The following HTR7 variants were observed in gnomAD, a reference collection of about 807,000 sequenced individuals.
The protein encoded by HTR7 is 5-hydroxytryptamine receptor 7, also known as 5-HT-7.
In HTR7, 16 loss-of-function variants were observed where a neutral mutation model predicts 34.0. The observed-to-expected ratio is 0.47, with a 90% CI of 0.32 to 0.71. HTR7 has a LOEUF of 0.71. HTR7 is among the 30% of genes least tolerant of loss of function. The pLI is 0.04. For missense variants in HTR7, 504 were observed against 625.5 expected (o/e 0.81, Z 2.07); for synonymous variants, 265 against 260.2 (o/e 1.02, Z -0.18).
chr10:90,840,777 C>A (rs191553413), intron 1 of HTR7, among the ~76,000 whole-genome samples: 50 of 152,336 alleles, frequency 3.3e-4, no homozygotes, highest in Middle Eastern at 3.4e-3. Context: ...TTAACTATCA[C>A]AAACCTATGA....
intron 1 of HTR7, among the ~76,000 whole-genome samples, chr10:90,833,993 G>A (rs983091700): frequency 6.6e-6 from 1 of 152,196 alleles, no homozygotes; most frequent in South Asian, 2.1e-4. Context: ...GCACTTTGCT[G>A]TTGTCTATCT....
At chr10:90,781,820 C>T (rs1382973065) in intron 1 of HTR7, among the ~76,000 whole-genome samples, 1 of 152,214 alleles carries the variant, frequency 6.6e-6, no homozygotes, top group Non-Finnish European at 1.5e-5. Flanking sequence ...TTGCCCATTA[C>T]AATTTAGTTA....
chr10:90,753,707 G>A (rs1057333267), intron 1 of HTR7, among the ~76,000 whole-genome samples: 1 of 151,680 alleles, frequency 6.6e-6, no homozygotes, highest in African/African-American at 2.4e-5. Flanking sequence ...TGCAATCTAA[G>A]TATTATCAAT....
chr10:90,763,617 G>GC (rs1346542302), intron 1 of HTR7, among the ~76,000 whole-genome samples: 1 of 151,840 alleles, frequency 6.6e-6, no homozygotes, highest in Non-Finnish European at 1.5e-5. Context: ...CCCTCCTCTT[G>GC]CCCCCCATCC....
At chr10:90,744,080 G>T (rs1303532292) in intron 2 of HTR7, 13 of 368,718 alleles carry the variant, frequency 3.5e-5, no homozygotes, top group Admixed American at 8.1e-5. Context: ...AGGCGAAAAG[G>T]TAAGAGAGAC....
At chr10:90,786,902 C>T (rs956666790) in intron 1 of HTR7, among the ~76,000 whole-genome samples, 13 of 152,154 alleles carry the variant, frequency 8.5e-5, no homozygotes, top group African/African-American at 1.4e-4. Flanking sequence ...CTCTCTGGCA[C>T]AATACGTGGG....
intron 1 of HTR7, among the ~76,000 whole-genome samples, chr10:90,832,287 C>G (rs928853247): frequency 2.0e-5 from 3 of 152,196 alleles, no homozygotes; most frequent in Non-Finnish European, 4.4e-5. Context: ...AGGGGAGACC[C>G]AGGCATGGTG....
At chr10:90,821,058 T>C (rs1016396679) in intron 1 of HTR7, among the ~76,000 whole-genome samples, 1 of 151,846 alleles carries the variant, frequency 6.6e-6, no homozygotes, top group East Asian at 1.9e-4. Context: ...GAATACAAGC[T>C]TCCACCAATC....
At position 90,749,006 on chromosome 10, in the gene HTR7, G is replaced by A; in HGVS notation, c.1128C>T (p.Asn376=). The part of the protein sequence containing the change: ...ERTFLWLGYA[N]SLINPFIYAF... ...CATATATAAAAGGGTTAATGAGAGAGTTTGCATAGCCTAGCCACAGAAATG... is the reference window on the plus strand; with the variant it reads ...CATATATAAAAGGGTTAATGAGAGAATTTGCATAGCCTAGCCACAGAAATG... The change falls in exon 2 of 4, where the codon AAC becomes AAT. Residue 376 remains asparagine, a synonymous_variant. Coordinates refer to ENST00000336152, the MANE Select transcript of HTR7 (RefSeq NM_019859.4). This position sits in a 1 kb window ranked among gnomAD's most constrained non-coding sequence, Gnocchi z 4.2. The A allele has an allele frequency of 6.2e-7, 1 of 1,614,092 alleles. No individual in the cohort carries two copies.
At chr10:90,760,997 C>A (rs1209961407) in intron 1 of HTR7, among the ~76,000 whole-genome samples, 1 of 152,048 alleles carries the variant, frequency 6.6e-6, no homozygotes, top group Admixed American at 6.6e-5. Flanking sequence ...GTTTATTTTT[C>A]TTGTTTTAAA....
At chr10:90,779,546 A>G (rs1284485227) in intron 1 of HTR7, among the ~76,000 whole-genome samples, 5 of 151,936 alleles carry the variant, frequency 3.3e-5, no homozygotes, top group African/African-American at 7.3e-5. Context: ...ACAAATGTAC[A>G]TTTTTCACTC....
Position 90,749,236 on chromosome 10 carries a change from C to A in HTR7, c.898G>T (p.Glu300Ter). Residue 300 changes from glutamate (E) to a stop codon, truncating the protein, a stop_gained, in exon 2 of 4, where the codon GAA becomes TAA. Coordinates refer to ENST00000336152, the MANE Select transcript of HTR7 (RefSeq NM_019859.4). LOFTEE classifies it high-confidence loss of function. This position sits in a 1 kb window ranked among gnomAD's most constrained non-coding sequence, Gnocchi z 4.2. The stretch of plus-strand genomic sequence containing the variant: ...AGTCTCGAAAGGTTTGCACACTCTT[C>A]CACCTCCTTCTGGAGCTTCACTATG... ...NGIVKLQKEVEECANLSRLLK... is the reference protein window; with the variant it reads ...NGIVKLQKEV 1 of 1,614,076 alleles carries A rather than the reference C, an allele frequency of 6.2e-7. No homozygotes were observed. The highest frequency in any genetic ancestry group is 2.2e-5 in the East Asian group (1 of 44,878).
At chr10:90,809,392 C>A (rs1277531230) in intron 1 of HTR7, among the ~76,000 whole-genome samples, 1 of 152,170 alleles carries the variant, frequency 6.6e-6, no homozygotes, top group Non-Finnish European at 1.5e-5. Context: ...TGGCAGCAAC[C>A]CTGAGACTCT....
At chr10:90,839,295 C>T (rs944171839) in intron 1 of HTR7, among the ~76,000 whole-genome samples, 1 of 152,172 alleles carries the variant, frequency 6.6e-6, no homozygotes, top group Non-Finnish European at 1.5e-5. Flanking sequence ...ACAGAATATA[C>T]ATTTCCCGGA....
intron 1 of HTR7, among the ~76,000 whole-genome samples, chr10:90,834,359 A>G (rs1342656991): frequency 6.6e-6 from 1 of 151,490 alleles, no homozygotes; most frequent in African/African-American, 2.4e-5. Context: ...TATAATCTGA[A>G]TACATAAATA....
chr10:90,760,414 G>C (rs1313695999), intron 1 of HTR7, among the ~76,000 whole-genome samples: 1 of 152,144 alleles, frequency 6.6e-6, no homozygotes, highest in Admixed American at 6.5e-5. Flanking sequence ...AGAGGAACAA[G>C]TTCTAGTGTT....
At chr10:90,820,405 A>G (rs188141271) in intron 1 of HTR7, among the ~76,000 whole-genome samples, 7 of 152,344 alleles carry the variant, frequency 4.6e-5, no homozygotes, top group Admixed American at 4.6e-4. Context: ...GTTGTTGAAC[A>G]TAACTTCAGA....
chr10:90,799,326 C>T (rs923142156), intron 1 of HTR7, among the ~76,000 whole-genome samples: 6 of 149,320 alleles, frequency 4.0e-5, no homozygotes, highest in Non-Finnish European at 8.9e-5. Context: ...GTTTCCCGCA[C>T]AGCCGGCTCT....
At chr10:90,854,141 G>A (rs777047677) in intron 1 of HTR7, among the ~76,000 whole-genome samples, 11 of 152,198 alleles carry the variant, frequency 7.2e-5, no homozygotes, top group Admixed American at 1.3e-4. Context: ...CGAGGTGGGC[G>A]GATCAGTTGA....
Sources: allele counts gnomAD v4.1 joint callset (sites outside exome capture counted in the v4.1 genomes callset), GRCh38; gene constraint gnomAD v4.1.1; non-coding constraint Gnocchi (gnomAD v3.1); transcripts MANE v1.5; gene names NCBI Gene and HGNC (gene_info 2026-07-23, HGNC 2026-07-21).